Variants in NOMO1 observed in about 807,000 individuals in gnomAD.
NOMO1 encodes nodal modulator 3.
In NOMO1, 40 loss-of-function variants were observed where a neutral mutation model predicts 133.8. That is an observed-to-expected ratio of 0.30 (90% confidence interval 0.23 to 0.39). The LOEUF (loss-of-function observed/expected upper bound fraction) is 0.39. NOMO1 is among the 10% of genes least tolerant of loss of function. NOMO1 has a pLI of 1.00. For missense variants in NOMO1, 462 were observed against 1,419.9 expected, an observed-to-expected ratio of 0.33 and a Z score of 10.84; for synonymous variants, 236 against 570.5, an observed-to-expected ratio of 0.41 and a Z score of 8.36.
At chr16:14,839,375 T>G (rs1360851427) in intron 2 of NOMO1, among the ~76,000 whole-genome samples, 1 of 152,090 alleles carries the variant, frequency 6.6e-6, no homozygotes, top group East Asian at 1.9e-4. Context: ...AATTTTGATG[T>G]GCATCCTAAC....
intron 11 of NOMO1, among the ~76,000 whole-genome samples, chr16:14,859,258 T>G (rs1474542374): frequency 6.6e-6 from 1 of 151,936 alleles, no homozygotes; most frequent in African/African-American, 2.4e-5. Context: ...TCCCCTGGCT[T>G]GATCACTGAG....
intron 2 of NOMO1, among the ~76,000 whole-genome samples, chr16:14,841,007 A>C (rs1364859463): frequency 1.3e-5 from 2 of 151,620 alleles, no homozygotes; most frequent in African/African-American, 4.9e-5. Context: ...CTGAAGATAC[A>C]TGCTAACTTG....
chr16:14,884,169 G>A (rs1473870997), intron 26 of NOMO1, among the ~76,000 whole-genome samples: 1 of 151,774 alleles, frequency 6.6e-6, no homozygotes, highest in Admixed American at 6.6e-5. Context: ...CTGTGCTTTC[G>A]AAATGAAATG....
At chr16:14,849,547 G>A (rs1597095067) in intron 6 of NOMO1, among the ~76,000 whole-genome samples, 1 of 118,360 alleles carries the variant, frequency 8.4e-6, no homozygotes, top group Non-Finnish European at 1.7e-5. Flanking sequence ...AAGGAAATAT[G>A]ATTTTAAATA....
chr16:14,882,518 A>T, intron 25 of NOMO1, 76 bp from the exon 26 acceptor site: 1 of 1,609,102 alleles, frequency 6.2e-7, no homozygotes, highest in Non-Finnish European at 8.5e-7. Context: ...GATCTCGTGC[A>T]GCCAAACCAG....
chr16:14,837,512 T>C (rs1345345452), intron 1 of NOMO1, among the ~76,000 whole-genome samples: 1 of 151,926 alleles, frequency 6.6e-6, no homozygotes, highest in African/African-American at 2.4e-5. Flanking sequence ...TGTCTGGTAA[T>C]GCTCAGAATG....
chr16:14,842,995 A>G (rs1437049005), intron 3 of NOMO1, among the ~76,000 whole-genome samples: 2 of 144,400 alleles, frequency 1.4e-5, no homozygotes, highest in East Asian at 2.0e-4. Flanking sequence ...ATCTCAGTTC[A>G]CTGCAACTTC....
intron 1 of NOMO1, among the ~76,000 whole-genome samples, chr16:14,835,390 C>A (rs557881915): frequency 6.6e-6 from 1 of 150,996 alleles, no homozygotes; most frequent in African/African-American, 2.5e-5. Context: ...GGGGACAGGA[C>A]GCGTTCAGGG....
intron 1 of NOMO1, 45 bp downstream of exon 1, chr16:14,834,061 G>A: frequency 4.0e-6 from 1 of 248,736 alleles, no homozygotes; most frequent in Non-Finnish European, 6.3e-6. Context: ...CCGGGCCGGT[G>A]GTTCAGCCTC....
chr16:14,878,137 C>T (rs973788092), intron 22 of NOMO1, among the ~76,000 whole-genome samples: 8 of 150,910 alleles, frequency 5.3e-5, no homozygotes, highest in South Asian at 2.1e-4. Context: ...CCTCCACCCA[C>T]TCAATGAACT....
At chr16:14,873,581 CT>C (rs1171917409) in intron 18 of NOMO1, among the ~76,000 whole-genome samples, 2 of 150,094 alleles carry the variant, frequency 1.3e-5, no homozygotes, top group Admixed American at 1.3e-4. Flanking sequence ...CTGTTGCTGT[CT>C]TTTACTATCA....
intron 12 of NOMO1, among the ~76,000 whole-genome samples, chr16:14,864,202 A>T (rs1271523248): frequency 6.8e-6 from 1 of 148,146 alleles, no homozygotes; most frequent in African/African-American, 2.5e-5. Flanking sequence ...TAATTCCACC[A>T]AAGTGTCATC....
chr16:14,873,577 C>T (rs1964108974), intron 18 of NOMO1, among the ~76,000 whole-genome samples: 1 of 150,012 alleles, frequency 6.7e-6, no homozygotes, highest in Non-Finnish European at 1.5e-5. Flanking sequence ...AGGTCTGTTG[C>T]TGTCTTTTAC....
Position 14,840,592 on chromosome 16 carries a change from A to G in NOMO1, c.256-770A>G, listed in dbSNP as rs565592392. Among the ~76,000 whole-genome samples, 194 of 150,904 alleles carry G rather than the reference A, an allele frequency of 1.3e-3. 1 individual carries two copies. Among genetic ancestry groups the G allele is most frequent in the African/African-American group, 4.3e-3 (174 of 40,904 alleles). On this transcript the variant is annotated intron_variant, in intron 2 of 30. Coordinates refer to ENST00000287667, the MANE Select transcript of NOMO1 (RefSeq NM_014287.4). ...ACAGAGCGAGGCTCCATCTCAAAAA[A>G]AAAAAACTAAAACAAAAACAAAGAA...
chr16:14,866,521 C>A (rs751510541), intron 14 of NOMO1, 34 bp from the exon 15 acceptor site: 11 of 1,610,158 alleles, frequency 6.8e-6, no homozygotes, highest in Non-Finnish European at 8.5e-6. Flanking sequence ...GTGCTCCACG[C>A]CCATGTATCC....
intron 15 of NOMO1, 105 bp downstream of exon 15, chr16:14,866,796 T>C: frequency 6.2e-7 from 1 of 1,606,542 alleles, no homozygotes. Context: ...AAGTTAGATT[T>C]CCTTTTCTGC....
chr16:14,864,802 T>A (rs936161735), intron 13 of NOMO1, 76 bp downstream of exon 13: 1 of 1,612,396 alleles, frequency 6.2e-7, no homozygotes, highest in African/African-American at 1.3e-5. Context: ...GGGAAACTTT[T>A]CCTTTTGCCT....
intron 18 of NOMO1, among the ~76,000 whole-genome samples, chr16:14,873,319 G>A (rs1221040232): frequency 7.7e-6 from 1 of 129,314 alleles, no homozygotes; most frequent in Non-Finnish European, 1.8e-5. Context: ...CCCCCTATTG[G>A]CCGAGTGGAG....
intron 29 of NOMO1, among the ~76,000 whole-genome samples, chr16:14,892,850 C>T (rs931904275): frequency 1.4e-5 from 2 of 144,698 alleles, no homozygotes; most frequent in Non-Finnish European, 3.0e-5. Context: ...TGTCTCAAGC[C>T]ACATGGTTTC....
Sources: gnomAD v4.1 joint callset for allele counts (sites outside exome capture counted in the v4.1 genomes callset) on GRCh38, gnomAD v4.1.1 for gene constraint, MANE v1.5 for transcripts, NCBI Gene and HGNC (gene_info 2026-07-23, HGNC 2026-07-21) for gene names.